The following PLCE1 variants were observed in gnomAD, a reference collection of about 807,000 sequenced individuals.
PLCE1 encodes the protein phospholipase C epsilon 1, also known as 1-phosphatidylinositol 4,5-bisphosphate phosphodiesterase epsilon-1.
Under a neutral mutation model 242.8 loss-of-function variants are expected in PLCE1, and 119 were observed. The observed-to-expected ratio is 0.49, with a 90% confidence interval of 0.42 to 0.57. PLCE1 has a LOEUF of 0.57. Ranked by LOEUF, PLCE1 falls within the 20% of genes least tolerant of loss-of-function variation. PLCE1 has a pLI of 0.00. For missense variants in PLCE1, 2,441 were observed against 2,788.8 expected (o/e 0.88, Z 2.81); for synonymous variants, 945 against 1,017.4 (o/e 0.93, Z 1.35).
intron 1 of PLCE1, among the ~76,000 whole-genome samples, chr10:94,011,617 A>G (rs1371869187): frequency 6.6e-6 from 1 of 152,226 alleles, no homozygotes; most frequent in Non-Finnish European, 1.5e-5. Context: ...GGTTCTGACC[A>G]AAGCTGGAGT....
At chr10:94,070,956 A>G (rs1376368207) in intron 2 of PLCE1, among the ~76,000 whole-genome samples, 1 of 152,134 alleles carries the variant, frequency 6.6e-6, no homozygotes, top group Non-Finnish European at 1.5e-5. Flanking sequence ...GACCTTGTAC[A>G]TGCCAGGCAC....
chr10:94,261,060 A>T (rs1013623867), intron 13 of PLCE1, among the ~76,000 whole-genome samples: 4 of 152,220 alleles, frequency 2.6e-5, no homozygotes, highest in African/African-American at 9.6e-5. Context: ...GGGTTTTGAC[A>T]AATGTGTAAT....
Position 94,030,779 on chromosome 10 carries a change from A to T in PLCE1, c.-268A>T, listed in dbSNP as rs1458364326. ...AATCCCGAGTAAAAGTCTTCAAAAAATTTTGCTTCAGGTAACAGAGGAAGG... is the reference window on the plus strand; with the variant it reads ...AATCCCGAGTAAAAGTCTTCAAAAATTTTTGCTTCAGGTAACAGAGGAAGG... On this transcript the variant is annotated 5_prime_UTR_variant, in exon 2 of 33. Coordinates refer to ENST00000371380, the MANE Select transcript of PLCE1 (RefSeq NM_016341.4). 2.1e-6 allele frequency: 1 copy of T among 469,420 alleles called. No individual in the cohort carries two copies. Among genetic ancestry groups the T allele is most frequent in the East Asian group, 4.0e-5 (1 of 24,716 alleles). The allele number at this position is 469,420 out of a possible 1,614,324, so 29.1% of individuals were successfully genotyped here.
chr10:94,093,064 G>T (rs988988943), intron 2 of PLCE1, among the ~76,000 whole-genome samples: 2 of 152,172 alleles, frequency 1.3e-5, no homozygotes, highest in Admixed American at 1.3e-4. Context: ...ACAGGGACAG[G>T]TTGGCCTTCA....
intron 2 of PLCE1, among the ~76,000 whole-genome samples, chr10:94,114,800 C>G (rs995022478): frequency 2.0e-5 from 3 of 150,902 alleles, no homozygotes; most frequent in African/African-American, 7.3e-5. Context: ...GGTACATGTG[C>G]ACACATGTGC....
chr10:94,316,502 TAA>T (rs2053579107), intron 28 of PLCE1, 43 bp from the exon 29 acceptor site: 6 of 1,250,854 alleles, frequency 4.8e-6, no homozygotes, highest in Non-Finnish European at 7.0e-6. Flanking sequence ...TGATTTGTTT[TAA>T]GTTTTTGCCT....
Position 94,142,308 on chromosome 10 carries a change from G to A in PLCE1, c.1492+9849G>A, listed in dbSNP as rs948643782. Among the ~76,000 whole-genome samples, 3 of 150,812 alleles carry A rather than the reference G, an allele frequency of 2.0e-5. No homozygotes were observed. In the South Asian group the frequency reaches 6.3e-4, roughly 32 times the overall value. ...AAGCCAAGAAGATCACGTTAGGCCA[G>A]GAGTTCAAGACGAGTGTAGGCAACA... On this transcript the variant is annotated intron_variant, in intron 3 of 32. Coordinates refer to ENST00000371380, the MANE Select transcript of PLCE1 (RefSeq NM_016341.4).
At chr10:94,322,207 A>C (rs2053836452) in intron 30 of PLCE1, 148 bp downstream of exon 30, 2 of 777,866 alleles carry the variant, frequency 2.6e-6, no homozygotes, top group African/African-American at 3.4e-5. Flanking sequence ...AGGCTGGGAA[A>C]TTGCCTCACA....
chr10:94,152,018 T>C (rs548347026), intron 3 of PLCE1, among the ~76,000 whole-genome samples: 3 of 152,194 alleles, frequency 2.0e-5, no homozygotes, highest in Non-Finnish European at 4.4e-5. Context: ...TAACTCAAGA[T>C]GGATTAAAGA....
intron 2 of PLCE1, among the ~76,000 whole-genome samples, chr10:94,091,843 G>A (rs1448798618): frequency 6.6e-6 from 1 of 152,116 alleles, no homozygotes; most frequent in Non-Finnish European, 1.5e-5. Context: ...AACTGGAATA[G>A]GACTGGCCAA....
chr10:94,149,134 A>G (rs2047201087), intron 3 of PLCE1, among the ~76,000 whole-genome samples: 1 of 152,196 alleles, frequency 6.6e-6, no homozygotes, highest in African/African-American at 2.4e-5. Flanking sequence ...CATTTTTACT[A>G]TGACACAGCA....
At chr10:94,277,693 T>G (rs1355361556) in intron 19 of PLCE1, among the ~76,000 whole-genome samples, 1 of 152,216 alleles carries the variant, frequency 6.6e-6, no homozygotes, top group Non-Finnish European at 1.5e-5. Context: ...TAAACAGACC[T>G]GCTTTTGTGG....
At chr10:94,135,189 C>T (rs972045934) in intron 3 of PLCE1, among the ~76,000 whole-genome samples, 5 of 152,014 alleles carry the variant, frequency 3.3e-5, no homozygotes, top group African/African-American at 7.2e-5. Context: ...TCAGTTGAAC[C>T]ATTCTACAAT....
intron 20 of PLCE1, 98 bp from the exon 21 acceptor site, chr10:94,283,692 T>G: frequency 8.0e-7 from 1 of 1,256,570 alleles, no homozygotes; most frequent in Non-Finnish European, 1.2e-6. Context: ...TTCTTATAGA[T>G]AAGTACAAGT....
At chr10:94,185,612 T>C (rs1196201440) in intron 4 of PLCE1, among the ~76,000 whole-genome samples, 1 of 152,182 alleles carries the variant, frequency 6.6e-6, no homozygotes, top group Non-Finnish European at 1.5e-5. Context: ...ATCTATGAAG[T>C]GGGATAATTT....
intron 7 of PLCE1, among the ~76,000 whole-genome samples, chr10:94,238,161 C>T (rs1346128591): frequency 6.6e-6 from 1 of 152,226 alleles, no homozygotes; most frequent in Non-Finnish European, 1.5e-5. Context: ...TGGCTTATGC[C>T]TGTAATCCCA....
intron 2 of PLCE1, among the ~76,000 whole-genome samples, chr10:94,111,390 C>T (rs2045950448): frequency 6.6e-6 from 1 of 152,138 alleles, no homozygotes; most frequent in Non-Finnish European, 1.5e-5. Flanking sequence ...AGCCAAATTC[C>T]CAGCCTGAGA....
chr10:94,226,794 TAAAGAG>T (rs2049953564), intron 4 of PLCE1, among the ~76,000 whole-genome samples: 1 of 146,068 alleles, frequency 6.8e-6, no homozygotes, highest in African/African-American at 2.5e-5. Context: ...TTAAAGAAAA[TAAAGAG>T]AGAGTTATAA....
intron 1 of PLCE1, among the ~76,000 whole-genome samples, chr10:94,009,805 G>C (rs1328098215): frequency 1.3e-5 from 2 of 152,238 alleles, no homozygotes; most frequent in Non-Finnish European, 2.9e-5. Context: ...GAGCACACTG[G>C]TGCTTTATGG....
Sources: allele counts gnomAD v4.1 joint callset (sites outside exome capture counted in the v4.1 genomes callset), GRCh38; gene constraint gnomAD v4.1.1; transcripts MANE v1.5; gene names NCBI Gene and HGNC (gene_info 2026-07-23, HGNC 2026-07-21).